The following TAFA2 variants were observed in gnomAD, a reference collection of about 807,000 sequenced individuals.
TAFA2 encodes chemokine-like protein TAFA-2.
TAFA2 carries 7 observed loss-of-function variants against 18.8 expected under a neutral mutation model. The ratio of observed to expected loss-of-function variants is 0.37; its 90% CI spans 0.21 to 0.70. The LOEUF (loss-of-function observed/expected upper bound fraction) is 0.70. TAFA2 is among the 30% of genes least tolerant of loss of function. The pLI is 0.53. For synonymous variants in TAFA2, 60 were observed against 54.2 expected (o/e 1.11, Z -0.47); for missense variants, 122 against 158.1 (o/e 0.77, Z 1.23).
chr12:62,158,256 C>G (rs1441749050), intron 1 of TAFA2, among the ~76,000 whole-genome samples: 2 of 151,944 alleles, frequency 1.3e-5, no homozygotes, highest in East Asian at 1.9e-4. Context: ...TTAAATATGA[C>G]AAAGTAAAAA....
intron 1 of TAFA2, among the ~76,000 whole-genome samples, chr12:62,188,618 C>T (rs1262702315): frequency 6.6e-6 from 1 of 152,110 alleles, no homozygotes; most frequent in East Asian, 1.9e-4. Flanking sequence ...TAATCCATAA[C>T]TTGCAATTAG....
At chr12:61,878,271 ATTGT>A in intron 1 of TAFA2, 1 of 291,646 alleles carries the variant, frequency 3.4e-6, no homozygotes, top group Non-Finnish European at 6.9e-6. Context: ...ATGCTGCTGA[ATTGT>A]ACAAAAAATG....
At chr12:62,257,170 G>GTATATGTATATATACACAATGTGTT (rs373610382) in intron 1 of TAFA2, among the ~76,000 whole-genome samples, 1 of 66,578 alleles carries the variant, frequency 1.5e-5, no homozygotes, top group African/African-American at 6.0e-5. Flanking sequence ...ATATGTGTGT[G>GTATATGTATATATACACAATGTGTT]TGTGTGTGTG....
chr12:62,099,877 T>A (rs142977512), intron 1 of TAFA2, among the ~76,000 whole-genome samples: 47 of 152,282 alleles, frequency 3.1e-4, no homozygotes, highest in Admixed American at 1.3e-3. Context: ...GCAAATACAG[T>A]CTGACTCTGA....
chr12:62,194,301 T>TCACA (rs60670024), upstream of TAFA2, among the ~76,000 whole-genome samples: 23,773 of 145,766 alleles, frequency 0.16, 2,102 homozygotes, highest in East Asian at 0.36. Flanking sequence ...GGCTTTCTTT[T>TCACA]CACACACACA....
intron 1 of TAFA2, chr12:62,235,271 C>A: frequency 3.0e-6 from 2 of 664,114 alleles, no homozygotes; most frequent in Non-Finnish European, 5.6e-6. Flanking sequence ...CCCCTTCATC[C>A]ACAATCTTCC....
At chr12:61,921,703 A>G (rs1565682050) in intron 1 of TAFA2, among the ~76,000 whole-genome samples, 1 of 152,246 alleles carries the variant, frequency 6.6e-6, no homozygotes, top group Non-Finnish European at 1.5e-5. Flanking sequence ...GGAATTGAAA[A>G]TAATCTGAAT....
At chr12:61,881,100 A>T (rs1875115246) in intron 1 of TAFA2, among the ~76,000 whole-genome samples, 2 of 151,864 alleles carry the variant, frequency 1.3e-5, no homozygotes, top group Non-Finnish European at 2.9e-5. Flanking sequence ...TTCCTACTAA[A>T]TTTTTTTTTC....
intron 1 of TAFA2, among the ~76,000 whole-genome samples, chr12:62,248,106 G>A (rs577755557): frequency 2.0e-5 from 3 of 152,288 alleles, no homozygotes; most frequent in Admixed American, 6.5e-5. Context: ...GAAAAAAGGC[G>A]GTCCTTTCAA....
chr12:62,091,190 G>A (rs1169387165), intron 1 of TAFA2, among the ~76,000 whole-genome samples: 1 of 151,878 alleles, frequency 6.6e-6, no homozygotes, highest in East Asian at 1.9e-4. Flanking sequence ...GTTGTCTGCA[G>A]CCATTCCAGT....
chr12:62,084,020 T>A (rs549335596), intron 1 of TAFA2, among the ~76,000 whole-genome samples: 2 of 152,330 alleles, frequency 1.3e-5, no homozygotes, highest in East Asian at 3.9e-4. Flanking sequence ...GTTTTTAAAC[T>A]GAACTCCAAA....
intron 1 of TAFA2, chr12:62,235,065 A>G: frequency 1.6e-6 from 1 of 625,656 alleles, no homozygotes; most frequent in Admixed American, 1.9e-5. Context: ...GGAAGCTGAG[A>G]CTGGCAGCCT....
chr12:61,803,801 G>C (rs191216348), intron 2 of TAFA2, among the ~76,000 whole-genome samples: 1 of 151,930 alleles, frequency 6.6e-6, no homozygotes, highest in East Asian at 1.9e-4. Flanking sequence ...CAAAAATATA[G>C]TACATACTTC....
Position 61,977,255 on chromosome 12 carries a change from T to C in TAFA2, c.-1-109829A>G, listed in dbSNP as rs56213769. On this transcript the variant is annotated intron_variant, in intron 1 of 4. Coordinates refer to ENST00000416284, the MANE Select transcript of TAFA2 (RefSeq NM_178539.5). ...GTAGATGTGATCAGCATTTCAATTT[T>C]CCATTTAGCAGGATCTTTGGATAAA... 6.5e-3 allele frequency among the ~76,000 whole-genome samples: 986 copies of C among 152,176 alleles called. 9 individuals carry two copies. The highest frequency in any genetic ancestry group is 0.023 in the African/African-American group (955 of 41,562).
At chr12:61,780,164 G>C (rs1870444981) in intron 2 of TAFA2, among the ~76,000 whole-genome samples, 2 of 151,792 alleles carry the variant, frequency 1.3e-5, no homozygotes, top group Admixed American at 6.6e-5. Context: ...ATTAAAATCA[G>C]GAGTAAGAGC....
At chr12:61,749,190 T>C (rs1477967456) in intron 4 of TAFA2, among the ~76,000 whole-genome samples, 1 of 151,900 alleles carries the variant, frequency 6.6e-6, no homozygotes, top group African/African-American at 2.4e-5. Context: ...TGAGAATCGC[T>C]TGAACTCAAG....
chr12:61,918,491 A>G (rs1876920612), intron 1 of TAFA2, among the ~76,000 whole-genome samples: 1 of 152,046 alleles, frequency 6.6e-6, no homozygotes. Context: ...ACAGGATCTC[A>G]TTATTTCTTA....
chr12:61,871,496 CA>C (rs1197155934), intron 1 of TAFA2, among the ~76,000 whole-genome samples: 2 of 151,944 alleles, frequency 1.3e-5, no homozygotes, highest in Non-Finnish European at 2.9e-5. Flanking sequence ...GTGAATTTTG[CA>C]AAAAGCAAAA....
intron 1 of TAFA2, among the ~76,000 whole-genome samples, chr12:62,182,200 G>A (rs1220283392): frequency 6.6e-6 from 1 of 152,120 alleles, no homozygotes; most frequent in Non-Finnish European, 1.5e-5. Flanking sequence ...CAAACTGTAG[G>A]ATGTAAACCA....
Sources: gnomAD v4.1 joint callset for allele counts (sites outside exome capture counted in the v4.1 genomes callset) on GRCh38, gnomAD v4.1.1 for gene constraint, MANE v1.5 for transcripts, NCBI Gene and HGNC (gene_info 2026-07-23, HGNC 2026-07-21) for gene names.